PTPRD: variants seen among roughly 807,000 people sequenced by gnomAD.
PTPRD encodes the protein receptor-type tyrosine-protein phosphatase delta.
Under a neutral mutation model 214.5 loss-of-function variants are expected in PTPRD, and 34 were observed. The ratio of observed to expected loss-of-function variants is 0.16; its 90% confidence interval spans 0.12 to 0.21. The LOEUF (loss-of-function observed/expected upper bound fraction) is 0.21, where lower values mean the gene tolerates loss of function less well. PTPRD is among the 10% of genes least tolerant of loss of function. The probability of loss-of-function intolerance (pLI) is 1.00; values close to 1 mark genes in which losing one functional copy is unlikely to be tolerated. For missense variants in PTPRD, 2,545 were observed against 2,398.7 expected, an observed-to-expected ratio of 1.06 and a Z score of -1.27; for synonymous variants, 1,128 against 845.7, an observed-to-expected ratio of 1.33 and a Z score of -5.79.
intron 11 of PTPRD, among the ~76,000 whole-genome samples, chr9:8,809,292 A>G (rs757651332): frequency 6.6e-6 from 1 of 152,186 alleles, no homozygotes; most frequent in Non-Finnish European, 1.5e-5. Context: ...CAACCAAAAA[A>G]AAGTGCTTCC....
intron 7 of PTPRD, among the ~76,000 whole-genome samples, chr9:9,627,548 G>C (rs2095461802): frequency 6.6e-6 from 1 of 152,082 alleles, no homozygotes; most frequent in South Asian, 2.1e-4. Context: ...CTGTAAGGTG[G>C]GGCTGGAGGG....
At chr9:10,092,559 T>C (rs917891036) in intron 3 of PTPRD, among the ~76,000 whole-genome samples, 1 of 151,420 alleles carries the variant, frequency 6.6e-6, no homozygotes, top group Non-Finnish European at 1.5e-5. Flanking sequence ...AAATATTACA[T>C]TATTCCTTTC....
intron 35 of PTPRD, among the ~76,000 whole-genome samples, chr9:8,423,772 G>A (rs1463224096): frequency 6.6e-6 from 1 of 152,088 alleles, no homozygotes; most frequent in Non-Finnish European, 1.5e-5. Context: ...TATCCCCTGT[G>A]AGAGTTAAGG....
intron 12 of PTPRD, among the ~76,000 whole-genome samples, chr9:8,718,140 C>G (rs2098456052): frequency 6.6e-6 from 1 of 152,156 alleles, no homozygotes; most frequent in African/African-American, 2.4e-5. Flanking sequence ...GCTGGAAAAT[C>G]AGAAAGCACT....
intron 10 of PTPRD, among the ~76,000 whole-genome samples, chr9:9,047,988 A>T (rs2099676389): frequency 6.6e-6 from 1 of 152,170 alleles, no homozygotes; most frequent in Non-Finnish European, 1.5e-5. Context: ...AAAATGGGCA[A>T]AATATTTGAA....
intron 3 of PTPRD, among the ~76,000 whole-genome samples, chr9:10,056,650 A>G (rs1017085910): frequency 2.0e-5 from 3 of 152,142 alleles, no homozygotes; most frequent in African/African-American, 4.8e-5. Context: ...AAAAGCTAGC[A>G]TGTTCCCAAG....
chr9:8,711,685 G>C (rs143659149), intron 12 of PTPRD, among the ~76,000 whole-genome samples: 11 of 152,288 alleles, frequency 7.2e-5, no homozygotes, highest in Admixed American at 2.0e-4. Flanking sequence ...GATTAGGTTG[G>C]TTGGGAGGTG....
intron 3 of PTPRD, among the ~76,000 whole-genome samples, chr9:10,157,867 ACTAT>A (rs1173216918): frequency 2.0e-5 from 3 of 151,480 alleles, no homozygotes; most frequent in Admixed American, 6.6e-5. Flanking sequence ...TTCTTCTTTG[ACTAT>A]CTATTTTAGA....
chr9:9,841,556 G>A (rs114594002), intron 5 of PTPRD, among the ~76,000 whole-genome samples: 2,111 of 152,120 alleles, frequency 0.014, 34 homozygotes, highest in African/African-American at 0.046. Flanking sequence ...GAATATATAC[G>A]CTAGAACATG....
intron 10 of PTPRD, among the ~76,000 whole-genome samples, chr9:9,111,548 C>T (rs938339695): frequency 2.6e-5 from 4 of 152,110 alleles, no homozygotes; most frequent in Non-Finnish European, 5.9e-5. Context: ...AAGGCCAATA[C>T]ACACTTTGGG....
chr9:10,508,935 G>A lies in PTPRD; in HGVS notation c.-600+103463C>T, dbSNP rs201865926. Among the ~76,000 whole-genome samples the A allele has an allele frequency of 5.9e-5, 9 of 151,918 alleles. No homozygotes were observed. In the South Asian group the frequency reaches 1.7e-3, roughly 28 times the overall value. ...TTGTGCACATGTACCCTAGAACTTA[G>A]AGTATAATAAAAAAATAAAATAATA... On this transcript the variant is annotated intron_variant, in intron 2 of 45. Coordinates refer to ENST00000381196, the MANE Select transcript of PTPRD (RefSeq NM_002839.4).
chr9:9,579,727 G>C (rs891455527), intron 7 of PTPRD, among the ~76,000 whole-genome samples: 1 of 152,036 alleles, frequency 6.6e-6, no homozygotes, highest in Non-Finnish European at 1.5e-5. Flanking sequence ...TAAATTTGAG[G>C]GGTATAAGTA....
intron 30 of PTPRD, among the ~76,000 whole-genome samples, chr9:8,472,650 C>G (rs538239532): frequency 6.6e-6 from 1 of 152,018 alleles, no homozygotes; most frequent in African/African-American, 2.4e-5. Context: ...TGAAATATCT[C>G]AGTAATAATT....
At chr9:8,620,034 A>C (rs762163148) in intron 14 of PTPRD, among the ~76,000 whole-genome samples, 5 of 152,070 alleles carry the variant, frequency 3.3e-5, no homozygotes, top group Middle Eastern at 3.2e-3. Flanking sequence ...TTTAGTAGTC[A>C]GTAAAGCACT....
chr9:10,244,250 T>C (rs2091680555), intron 3 of PTPRD, among the ~76,000 whole-genome samples: 1 of 152,116 alleles, frequency 6.6e-6, no homozygotes, highest in Non-Finnish European at 1.5e-5. Context: ...CTTCATTATC[T>C]CTTCATTGTG....
intron 3 of PTPRD, among the ~76,000 whole-genome samples, chr9:10,279,853 G>C (rs1414174213): frequency 1.3e-5 from 2 of 152,036 alleles, no homozygotes; most frequent in African/African-American, 2.4e-5. Context: ...ATTAATACCA[G>C]TGCCCTTTTC....
intron 3 of PTPRD, among the ~76,000 whole-genome samples, chr9:10,101,323 A>G (rs1020155993): frequency 6.6e-6 from 1 of 151,726 alleles, no homozygotes; most frequent in Non-Finnish European, 1.5e-5. Context: ...CAAGCAGATA[A>G]AATGCAAAAA....
At chr9:9,280,069 AGT>A (rs1476343151) in intron 9 of PTPRD, among the ~76,000 whole-genome samples, 1 of 151,322 alleles carries the variant, frequency 6.6e-6, no homozygotes, top group African/African-American at 2.4e-5. Context: ...TGTTTTACAA[AGT>A]GTGGTACTAT....
At chr9:9,895,881 A>G (rs2074824319) in intron 5 of PTPRD, among the ~76,000 whole-genome samples, 1 of 151,942 alleles carries the variant, frequency 6.6e-6, no homozygotes, top group Admixed American at 6.6e-5. Flanking sequence ...GTCTATCACG[A>G]AGGTGATGAA....
Sources: gnomAD v4.1 joint callset for allele counts (sites outside exome capture counted in the v4.1 genomes callset) on GRCh38, gnomAD v4.1.1 for gene constraint, MANE v1.5 for transcripts, NCBI Gene and HGNC (gene_info 2026-07-23, HGNC 2026-07-21) for gene names.